Variants in ATXN7 observed in about 807,000 individuals in gnomAD.
ATXN7 encodes the protein ataxin-7.
A neutral mutation model predicts 70.5 loss-of-function variants in ATXN7; 12 were observed. The ratio of observed to expected loss-of-function variants is 0.17; its 90% CI spans 0.11 to 0.28. The LOEUF is 0.28. Among genes scored for constraint, ATXN7 ranks in the 10% least tolerant of loss-of-function variants. The pLI is 1.00. For synonymous variants in ATXN7, 498 were observed against 448.7 expected (o/e 1.11, Z -1.39); for missense variants, 1,256 against 1,131.7 (o/e 1.11, Z -1.58).
intron 5 of ATXN7, among the ~76,000 whole-genome samples, chr3:63,977,754 T>A (rs1237821557): frequency 1.3e-5 from 2 of 152,222 alleles, no homozygotes; most frequent in Non-Finnish European, 2.9e-5. Flanking sequence ...ATGCTAACCA[T>A]CCTGAAATCC....
At chr3:63,947,134 A>G (rs1172192514) in intron 4 of ATXN7, among the ~76,000 whole-genome samples, 1 of 152,210 alleles carries the variant, frequency 6.6e-6, no homozygotes, top group Non-Finnish European at 1.5e-5. Context: ...ACAAATAACA[A>G]TCATGACTTT....
chr3:63,972,854 T>C (rs2075334792), intron 5 of ATXN7, among the ~76,000 whole-genome samples: 2 of 152,332 alleles, frequency 1.3e-5, no homozygotes, highest in Non-Finnish European at 1.5e-5. Flanking sequence ...TTTGATTTGT[T>C]CTTAAGTGAT....
At chr3:63,975,838 T>A (rs1309633634) in intron 5 of ATXN7, among the ~76,000 whole-genome samples, 1 of 152,142 alleles carries the variant, frequency 6.6e-6, no homozygotes. Context: ...AAGCTCTGTC[T>A]CCCTCTCTTC....
intron 5 of ATXN7, among the ~76,000 whole-genome samples, chr3:63,955,133 A>G (rs1479550710): frequency 6.6e-6 from 1 of 152,244 alleles, no homozygotes; most frequent in African/African-American, 2.4e-5. Flanking sequence ...TCAAACATGT[A>G]AATGGGAAAG....
At chr3:63,967,773 A>G in intron 5 of ATXN7, 1 of 1,460,952 alleles carries the variant, frequency 6.8e-7, no homozygotes, top group Non-Finnish European at 9.1e-7. Context: ...GGACCTTTGT[A>G]ATTCAAGTGC....
intron 5 of ATXN7, among the ~76,000 whole-genome samples, chr3:63,975,238 G>A (rs575827003): frequency 2.0e-5 from 3 of 152,292 alleles, no homozygotes; most frequent in Non-Finnish European, 2.9e-5. Context: ...CATGATACCC[G>A]TTGAGAATGG....
intron 11 of ATXN7, 95 bp downstream of exon 11, chr3:63,990,954 A>G (rs1324778539): frequency 1.3e-6 from 2 of 1,582,790 alleles, no homozygotes; most frequent in African/African-American, 1.3e-5. Context: ...AGATATGCTT[A>G]TCTAAACAAA....
intron 5 of ATXN7, among the ~76,000 whole-genome samples, chr3:63,976,328 G>A (rs750523647): frequency 1.1e-4 from 17 of 152,176 alleles, no homozygotes; most frequent in Non-Finnish European, 2.4e-4. Context: ...TTTTCACAGA[G>A]TAAGTTACCA....
At chr3:63,961,581 TTATA>T (rs933601410) in intron 5 of ATXN7, among the ~76,000 whole-genome samples, 1 of 152,032 alleles carries the variant, frequency 6.6e-6, no homozygotes, top group Non-Finnish European at 1.5e-5. Context: ...ATATCTATCT[TTATA>T]TATATATAAA....
intron 5 of ATXN7, among the ~76,000 whole-genome samples, chr3:63,954,183 A>G (rs529346193): frequency 1.3e-5 from 2 of 152,364 alleles, no homozygotes; most frequent in South Asian, 2.1e-4. Context: ...GTTGTGGACA[A>G]TACAGACAAT....
intron 4 of ATXN7, among the ~76,000 whole-genome samples, chr3:63,918,462 A>C (rs1201013317): frequency 6.6e-6 from 1 of 152,174 alleles, no homozygotes; most frequent in African/African-American, 2.4e-5. Context: ...GAAACATACA[A>C]AGTAGAGAAA....
chr3:63,961,985 C>T (rs986295647), intron 5 of ATXN7, among the ~76,000 whole-genome samples: 1 of 152,186 alleles, frequency 6.6e-6, no homozygotes, highest in Admixed American at 6.5e-5. Context: ...CCCCACTAAG[C>T]TGTGATCTTA....
intron 1 of ATXN7, among the ~76,000 whole-genome samples, chr3:63,882,465 ACCTCCG>A: frequency 1.3e-5 from 2 of 150,744 alleles, no homozygotes. Flanking sequence ...GCTCACTGCA[ACCTCCG>A]CCTCACAGGT....
intron 5 of ATXN7, among the ~76,000 whole-genome samples, chr3:63,952,712 T>C (rs2074974742): frequency 1.3e-5 from 2 of 152,252 alleles, no homozygotes; most frequent in South Asian, 4.1e-4. Flanking sequence ...GAAAGTATAG[T>C]TTATAAAATG....
chr3:63,986,877 TAGGG>T (rs1209186128), intron 8 of ATXN7, among the ~76,000 whole-genome samples: 1 of 152,200 alleles, frequency 6.6e-6, no homozygotes, highest in African/African-American at 2.4e-5. Flanking sequence ...GTATTATGTG[TAGGG>T]GCATGCACAC....
At chr3:63,930,101 G>C (rs1704890570) in intron 4 of ATXN7, among the ~76,000 whole-genome samples, 1 of 152,140 alleles carries the variant, frequency 6.6e-6, no homozygotes, top group African/African-American at 2.4e-5. Context: ...ATGAAAAATG[G>C]GTCTTAATAT....
intron 2 of ATXN7, among the ~76,000 whole-genome samples, chr3:63,912,346 C>T (rs1247387295): frequency 2.0e-5 from 3 of 151,550 alleles, no homozygotes; most frequent in East Asian, 2.0e-4. Flanking sequence ...CCGCCTGCTG[C>T]CCGTCCCCTC....
intron 4 of ATXN7, among the ~76,000 whole-genome samples, chr3:63,936,611 T>A (rs996331852): frequency 1.3e-5 from 2 of 152,308 alleles, no homozygotes; most frequent in Admixed American, 6.5e-5. Context: ...AGGTGAGGTA[T>A]AAGTAGAAAT....
At chr3:63,988,691 G>A (rs1292223561) in intron 9 of ATXN7, among the ~76,000 whole-genome samples, 1 of 152,190 alleles carries the variant, frequency 6.6e-6, no homozygotes, top group Non-Finnish European at 1.5e-5. Flanking sequence ...TTATATAGCA[G>A]TGGGAATTCT....
Sources: allele counts gnomAD v4.1 joint callset (sites outside exome capture counted in the v4.1 genomes callset), GRCh38; gene constraint gnomAD v4.1.1; transcripts MANE v1.5; gene names NCBI Gene and HGNC (gene_info 2026-07-23, HGNC 2026-07-21).